NF1: variants seen among roughly 807,000 people sequenced by gnomAD.
NF1 encodes neurofibromin 1.
NF1 carries 122 observed loss-of-function variants against 325.7 expected under a neutral mutation model. The ratio of observed to expected loss-of-function variants is 0.37; its 90% CI spans 0.32 to 0.44. NF1 has a LOEUF of 0.44. Ranked by LOEUF, NF1 falls within the 20% of genes least tolerant of loss-of-function variation. The probability of loss-of-function intolerance (pLI) is 1.00; values close to 1 mark genes in which losing one functional copy is unlikely to be tolerated. For missense variants in NF1, 2,140 were observed against 3,415.4 expected (o/e 0.63, Z 9.31); for synonymous variants, 1,091 against 1,186.0 (o/e 0.92, Z 1.65).
In NF1 at chr17:31,374,501, A is replaced by C. The variant is rs2070704128; in HGVS notation, c.*346A>C. The stretch of plus-strand genomic sequence containing the variant: ...ATACTGCTACTACTGGCCAGTGATG[A>C]AAGCCATTTGCACAGAGCTCTGCCT... On this transcript the variant is annotated 3_prime_UTR_variant, in exon 58 of 58. Coordinates refer to ENST00000358273, the MANE Select transcript of NF1 (RefSeq NM_001042492.3). The C allele has an allele frequency of 2.1e-5, 9 of 437,926 alleles. No individual in the cohort carries two copies. Among genetic ancestry groups the C allele is most frequent in the South Asian group, 2.0e-4 (9 of 44,440 alleles). 27.1% of individuals were successfully genotyped at this position (437,926 alleles called of 1,614,324 possible). A position where few individuals can be genotyped will look rare whatever the true frequency, so the allele number is the denominator to read the frequency against.
chr17:31,326,655 A>G (rs1487853952), intron 37 of NF1, among the ~76,000 whole-genome samples: 1 of 152,140 alleles, frequency 6.6e-6, no homozygotes, highest in African/African-American at 2.4e-5. Flanking sequence ...TCAAAAAATA[A>G]AAGGTTATGT....
chr17:31,296,607 A>AC, intron 36 of NF1: 2 of 423,254 alleles, frequency 4.7e-6, no homozygotes, highest in Non-Finnish European at 8.8e-6. Flanking sequence ...CCCTTTTCTA[A>AC]CCATATTCTT....
chr17:31,260,554 G>C, intron 34 of NF1, 39 bp downstream of exon 34: 1 of 1,606,046 alleles, frequency 6.2e-7, no homozygotes, highest in Non-Finnish European at 8.5e-7. Context: ...AACACTCTCC[G>C]TTTAAATTTA....
chr17:31,345,099 T>C (rs1372308523), intron 48 of NF1, among the ~76,000 whole-genome samples: 1 of 152,150 alleles, frequency 6.6e-6, no homozygotes, highest in Non-Finnish European at 1.5e-5. Flanking sequence ...CTCCAGCCTT[T>C]GTGACAGAGT....
At chr17:31,350,091 A>G (rs746647725) in intron 49 of NF1, 92 bp from the exon 50 acceptor site, 38 of 1,331,856 alleles carry the variant, frequency 2.9e-5, no homozygotes, top group East Asian at 1.8e-4. Context: ...AACAGGTACT[A>G]TGCTCTTTAG....
chr17:31,337,674 A>G (rs1396733737), intron 43 of NF1, 92 bp downstream of exon 43: 1 of 1,429,376 alleles, frequency 7.0e-7, no homozygotes, highest in Non-Finnish European at 9.7e-7. Flanking sequence ...TTATTGTGCT[A>G]TTTTGTACTT....
chr17:31,101,805 A>C (rs1912364735), intron 1 of NF1, among the ~76,000 whole-genome samples: 1 of 152,080 alleles, frequency 6.6e-6, no homozygotes, highest in Non-Finnish European at 1.5e-5. Flanking sequence ...ACAGAACCAC[A>C]CAGTAAGTTT....
chr17:31,234,323 T>C (rs1196136036), intron 27 of NF1, among the ~76,000 whole-genome samples: 1 of 152,290 alleles, frequency 6.6e-6, no homozygotes, highest in East Asian at 1.9e-4. Flanking sequence ...ATATTCTGAA[T>C]TATCTTATTA....
rs945068532 is a variant in NF1, at chr17:31,137,414, C to A, written c.61-18569C>A. ...CTAAATGTAATGTCTCATTTAGCCTCATTTTTTTCATTTGCTTCAGTTTTT... is the reference window on the plus strand; with the variant it reads ...CTAAATGTAATGTCTCATTTAGCCTAATTTTTTTCATTTGCTTCAGTTTTT... On this transcript the variant is annotated intron_variant, in intron 1 of 57. Coordinates refer to ENST00000358273, the MANE Select transcript of NF1 (RefSeq NM_001042492.3). The A allele has an allele frequency of 3.6e-4, 55 of 152,274 alleles. 1 individual carries two copies. Among genetic ancestry groups the A allele is most frequent in the African/African-American group, 1.3e-3 (55 of 41,564 alleles). 9.4% of individuals were successfully genotyped at this position (152,274 alleles called of 1,614,324 possible). A position where few individuals can be genotyped will look rare whatever the true frequency, so the allele number is the denominator to read the frequency against.
At chr17:31,325,526 G>A (rs1239464364) in intron 36 of NF1, among the ~76,000 whole-genome samples, 1 of 152,154 alleles carries the variant, frequency 6.6e-6, no homozygotes, top group South Asian at 2.1e-4. Flanking sequence ...GAGTTTGGTG[G>A]GCCCTGCAGG....
At chr17:31,353,370 G>A (rs1464234604) in intron 51 of NF1, among the ~76,000 whole-genome samples, 1 of 152,198 alleles carries the variant, frequency 6.6e-6, no homozygotes, top group Non-Finnish European at 1.5e-5. Flanking sequence ...AGTGGCTCAC[G>A]CCCATAATCC....
At chr17:31,245,465 G>A (rs577210053) in intron 29 of NF1, among the ~76,000 whole-genome samples, 1 of 152,188 alleles carries the variant, frequency 6.6e-6, no homozygotes, top group Non-Finnish European at 1.5e-5. Context: ...TAAGGGCTGA[G>A]TAAGATTGCT....
At chr17:31,265,763 A>G (rs2067775613) in intron 36 of NF1, among the ~76,000 whole-genome samples, 1 of 152,172 alleles carries the variant, frequency 6.6e-6, no homozygotes, top group African/African-American at 2.4e-5. Flanking sequence ...CAGCATCAGG[A>G]TGATTTAAAA....
chr17:31,100,163 ACT>A (rs756627802), intron 1 of NF1, among the ~76,000 whole-genome samples: 5 of 152,144 alleles, frequency 3.3e-5, no homozygotes, highest in African/African-American at 4.8e-5. Context: ...TATGGAATAA[ACT>A]CTGATTTTAG....
Position 31,327,005 on chromosome 17 carries a change from TGGCGTG to T in NF1, c.5269-493_5269-488del, listed in dbSNP as rs2069361626. 2.3e-4 allele frequency among the ~76,000 whole-genome samples: 35 copies of T among 151,818 alleles called. No homozygotes were observed. In the South Asian group the frequency reaches 7.1e-3, roughly 31 times the overall value. ...GCAGTGGCGTGATCTCAGAGTGCAG[TGGCGTG>T]ATCTCAGAGTGCAGTGGCATGATCT... is the stretch of plus-strand genomic sequence containing the variant. On this transcript the variant is annotated intron_variant, in intron 37 of 57. Coordinates refer to ENST00000358273, the MANE Select transcript of NF1 (RefSeq NM_001042492.3).
intron 39 of NF1, among the ~76,000 whole-genome samples, chr17:31,332,524 G>T (rs1391163335): frequency 6.6e-6 from 1 of 151,720 alleles, no homozygotes; most frequent in Non-Finnish European, 1.5e-5. Context: ...AATCATGAAG[G>T]GTGCTGACCG....
At chr17:31,259,610 A>G (rs1012814994) in intron 33 of NF1, among the ~76,000 whole-genome samples, 1 of 152,162 alleles carries the variant, frequency 6.6e-6, no homozygotes, top group African/African-American at 2.4e-5. Flanking sequence ...ACTGAACTTT[A>G]TGATTTTAGA....
At chr17:31,274,611 A>G (rs1051636408) in intron 36 of NF1, among the ~76,000 whole-genome samples, 7 of 152,164 alleles carry the variant, frequency 4.6e-5, no homozygotes, top group African/African-American at 1.7e-4. Context: ...AAAAAAAACT[A>G]CTTGGCAACC....
intron 8 of NF1, among the ~76,000 whole-genome samples, chr17:31,197,614 A>G (rs2066457170): frequency 6.6e-6 from 1 of 152,044 alleles, no homozygotes; most frequent in Non-Finnish European, 1.5e-5. Flanking sequence ...TTTCATTGCT[A>G]ATGTATAGAA....
Sources: allele counts gnomAD v4.1 joint callset (sites outside exome capture counted in the v4.1 genomes callset), GRCh38; gene constraint gnomAD v4.1.1; transcripts MANE v1.5; gene names NCBI Gene and HGNC (gene_info 2026-07-23, HGNC 2026-07-21).